The following DHX57 variants were observed in gnomAD, a reference collection of about 807,000 sequenced individuals.
DHX57 encodes putative ATP-dependent RNA helicase DHX57.
A neutral mutation model predicts 156.2 loss-of-function variants in DHX57; 105 were observed. The ratio of observed to expected loss-of-function variants is 0.67; its 90% CI spans 0.57 to 0.79. The LOEUF (loss-of-function observed/expected upper bound fraction) is 0.79. Ranked by LOEUF, DHX57 falls within the 30% of genes least tolerant of loss-of-function variation. The probability of loss-of-function intolerance (pLI) is 0.00; values close to 1 mark genes in which losing one functional copy is unlikely to be tolerated. For missense variants in DHX57, 1,847 were observed against 1,661.9 expected (o/e 1.11, Z -1.94); for synonymous variants, 704 against 595.6 (o/e 1.18, Z -2.65).
At chr2:38,863,648 T>A in intron 2 of DHX57, 129 bp from the exon 3 acceptor site, 1 of 830,236 alleles carries the variant, frequency 1.2e-6, no homozygotes. Flanking sequence ...TGACAATGAA[T>A]GTGAGGAGAT....
At chr2:38,851,251 C>T (rs1240422279) in intron 9 of DHX57, among the ~76,000 whole-genome samples, 1 of 152,112 alleles carries the variant, frequency 6.6e-6, no homozygotes, top group Non-Finnish European at 1.5e-5. Flanking sequence ...TAACATGTAA[C>T]TAGCAATTTT....
At chr2:38,863,273 T>A in intron 3 of DHX57, 88 bp downstream of exon 3, 1 of 1,379,842 alleles carries the variant, frequency 7.2e-7, no homozygotes, top group South Asian at 1.4e-5. Context: ...GAATCAGTAC[T>A]GACACAGCAT....
At chr2:38,863,569 T>C in intron 2 of DHX57, 50 bp from the exon 3 acceptor site, 1 of 1,572,634 alleles carries the variant, frequency 6.4e-7, no homozygotes, top group Non-Finnish European at 8.6e-7. Context: ...AATCAGAACT[T>C]TTACACTCTC....
chr2:38,825,113 TAAAC>T (rs1350409606), intron 16 of DHX57, among the ~76,000 whole-genome samples: 1 of 152,206 alleles, frequency 6.6e-6, no homozygotes, highest in Non-Finnish European at 1.5e-5. Flanking sequence ...AAGTGCAACA[TAAAC>T]AAAAAATTTT....
At chr2:38,845,105 C>T (rs1672199174) in intron 11 of DHX57, among the ~76,000 whole-genome samples, 1 of 151,924 alleles carries the variant, frequency 6.6e-6, no homozygotes, top group African/African-American at 2.4e-5. Flanking sequence ...TCTGAGGTAA[C>T]AGGATCACTT....
chr2:38,862,658 G>C (rs1320952500), intron 3 of DHX57: 5 of 180,348 alleles, frequency 2.8e-5, no homozygotes, highest in Non-Finnish European at 5.7e-5. Context: ...AACTGCCTAG[G>C]TTACACATTA....
At chr2:38,862,013 T>C (rs1673253462) in intron 4 of DHX57, 132 bp downstream of exon 4, 6 of 1,244,634 alleles carry the variant, frequency 4.8e-6, no homozygotes, top group East Asian at 2.5e-5. Context: ...TCTGATAAGA[T>C]AGAATATTAG....
At chr2:38,851,305 G>A (rs1007099569) in intron 9 of DHX57, among the ~76,000 whole-genome samples, 11 of 152,078 alleles carry the variant, frequency 7.2e-5, no homozygotes, top group Non-Finnish European at 1.6e-4. Context: ...GGTATTTACT[G>A]TATGCCTTAG....
intron 19 of DHX57, among the ~76,000 whole-genome samples, chr2:38,818,518 ACT>A (rs1268497765): frequency 1.3e-5 from 2 of 152,114 alleles, no homozygotes; most frequent in African/African-American, 4.8e-5. Flanking sequence ...ACAGAATGAG[ACT>A]CTGTCACAAA....
intron 15 of DHX57, among the ~76,000 whole-genome samples, 171 bp downstream of exon 15, chr2:38,826,345 T>C (rs1457304849): frequency 6.6e-6 from 1 of 152,234 alleles, no homozygotes; most frequent in Non-Finnish European, 1.5e-5. Flanking sequence ...CATTTGATGT[T>C]AAGGTCCATG....
intron 13 of DHX57, among the ~76,000 whole-genome samples, chr2:38,831,813 C>G (rs1312965840): frequency 6.8e-6 from 1 of 147,584 alleles, no homozygotes; most frequent in Non-Finnish European, 1.5e-5. Context: ...GCTGAGATCA[C>G]ACCATCGCAC....
Position 38,858,696 on chromosome 2 carries a change from T to C in DHX57, c.1552A>G (p.Asn518Asp). 1 of 1,613,630 alleles carries C rather than the reference T, an allele frequency of 6.2e-7. No individual in the cohort carries two copies. Among genetic ancestry groups the C allele is most frequent in the South Asian group, 1.1e-5 (1 of 90,910 alleles). The change falls in exon 6 of 24, where the codon AAT becomes GAT. Residue 518 changes from asparagine (N) to aspartate (D), a missense_variant. Coordinates refer to ENST00000457308, the MANE Select transcript of DHX57 (RefSeq NM_198963.3). ...DWQAKSVHAE[N>D]GKICKQFRMK... is the part of the protein sequence containing the mutation. ...CGGAACTGCTTGCAGATTTTACCAT[T>C]TTCAGCATGTACTGACTTTGCCTGC...
In DHX57 at chr2:38,798,157, C is replaced by G. The variant is rs1473447042; in HGVS notation, c.*142G>C. 27 of 1,142,932 alleles carry G rather than the reference C, an allele frequency of 2.4e-5. No individual in the cohort carries two copies. Among genetic ancestry groups the G allele is most frequent in the Non-Finnish European group, 3.1e-5 (25 of 809,888 alleles). The allele number at this position is 1,142,932 out of a possible 1,614,324, so 70.8% of individuals were successfully genotyped here. A position where few individuals can be genotyped will look rare whatever the true frequency, so the allele number is the denominator to read the frequency against. On this transcript the variant is annotated 3_prime_UTR_variant, in exon 24 of 24. Transcript: ENST00000457308. ...ATGGCCCTAAGGGTATATACACTGC[C>G]TCAGCTGCCTTGGGCTTCATGCCCT...
At chr2:38,813,942 T>G in intron 20 of DHX57, 47 bp from the exon 21 acceptor site, 1 of 1,582,368 alleles carries the variant, frequency 6.3e-7, no homozygotes, top group Non-Finnish European at 8.6e-7. Flanking sequence ...TGGCTATTTC[T>G]TTTTTTTCTT....
chr2:38,838,954 CAG>C (rs1362271105), intron 12 of DHX57, among the ~76,000 whole-genome samples: 1 of 151,936 alleles, frequency 6.6e-6, no homozygotes, highest in Middle Eastern at 3.2e-3. Context: ...ATTTTTGAGA[CAG>C]AGTCTTGCTC....
rs1338149685 is a variant in DHX57 at position 38,871,598 on chromosome 2, G to A, written c.-6-3187C>T. 2.6e-5 allele frequency among the ~76,000 whole-genome samples: 4 copies of A among 152,258 alleles called. No homozygotes were observed. The East Asian group carries it at 7.7e-4, about 29-fold the overall frequency. The stretch of plus-strand genomic sequence containing the variant: ...GTAATGGAGGCTGGGAAGTCCAAGA[G>A]CATGATGCTGGCATCTGCGTAGTGT... On this transcript the variant is annotated intron_variant, in intron 1 of 23. Transcript: ENST00000457308.
chr2:38,817,818 C>T (rs892552024), intron 19 of DHX57, among the ~76,000 whole-genome samples: 7 of 152,172 alleles, frequency 4.6e-5, no homozygotes, highest in African/African-American at 7.2e-5. Context: ...CCACCTCAGC[C>T]TCTGGAGTAG....
intron 13 of DHX57, among the ~76,000 whole-genome samples, chr2:38,831,124 AG>A (rs1299389316): frequency 6.6e-6 from 1 of 151,832 alleles, no homozygotes; most frequent in Non-Finnish European, 1.5e-5. Context: ...AAAAATACAA[AG>A]GAAAAAAAAA....
chr2:38,863,660 C>G (rs1664877070), intron 2 of DHX57, 141 bp from the exon 3 acceptor site: 2 of 780,284 alleles, frequency 2.6e-6, no homozygotes, highest in Non-Finnish European at 3.9e-6. Flanking sequence ...TGAGGAGATT[C>G]TCCATTTTCT....
Sources: gnomAD v4.1 joint callset for allele counts (sites outside exome capture counted in the v4.1 genomes callset) on GRCh38, gnomAD v4.1.1 for gene constraint, MANE v1.5 for transcripts, NCBI Gene and HGNC (gene_info 2026-07-23, HGNC 2026-07-21) for gene names.